KCNQ4: variants seen among roughly 807,000 people sequenced by gnomAD.
KCNQ4 encodes potassium voltage-gated channel subfamily KQT member 4.
In KCNQ4, 31 loss-of-function variants were observed where a neutral mutation model predicts 72.6. That is an observed-to-expected ratio of 0.43 (90% CI 0.32 to 0.58). The LOEUF (loss-of-function observed/expected upper bound fraction) is 0.58, where lower values mean the gene tolerates loss of function less well. Among genes scored for constraint, KCNQ4 ranks in the 20% least tolerant of loss-of-function variants. The probability of loss-of-function intolerance (pLI) is 0.08; values close to 1 mark genes in which losing one functional copy is unlikely to be tolerated. For missense variants in KCNQ4, 869 were observed against 962.6 expected (o/e 0.90, Z 1.29); for synonymous variants, 405 against 403.7 (o/e 1.00, Z -0.04).
intron 1 of KCNQ4, among the ~76,000 whole-genome samples, chr1:40,812,045 C>A (rs1286058374): frequency 6.6e-6 from 1 of 152,140 alleles, no homozygotes; most frequent in South Asian, 2.1e-4. Context: ...CTACCCCTGA[C>A]CTCCAGATAC....
intron 1 of KCNQ4, among the ~76,000 whole-genome samples, chr1:40,795,399 C>T (rs1647383193): frequency 6.6e-6 from 1 of 151,798 alleles, no homozygotes; most frequent in Admixed American, 6.6e-5. Context: ...GTAGCTGAGA[C>T]CGCAGGTGCA....
At chr1:40,838,170 A>C (rs1055746400) in intron 13 of KCNQ4, 141 bp from the exon 14 acceptor site, 1 of 775,968 alleles carries the variant, frequency 1.3e-6, no homozygotes, top group Non-Finnish European at 2.2e-6. Context: ...GCCAAGCTCC[A>C]CCTTTCCAGG....
intron 9 of KCNQ4, among the ~76,000 whole-genome samples, chr1:40,828,542 G>A (rs1331099592): frequency 6.6e-6 from 1 of 152,230 alleles, no homozygotes; most frequent in Non-Finnish European, 1.5e-5. Flanking sequence ...TCTGAAGTCA[G>A]AGAAGGCTGG....
At chr1:40,821,122 G>A (rs533582799) in intron 7 of KCNQ4, among the ~76,000 whole-genome samples, 1 of 152,238 alleles carries the variant, frequency 6.6e-6, no homozygotes, top group South Asian at 2.1e-4. Context: ...CGTCCCTTGG[G>A]GCACAATGGC....
chr1:40,798,403 C>G (rs1459191326), intron 1 of KCNQ4, among the ~76,000 whole-genome samples: 4 of 152,224 alleles, frequency 2.6e-5, no homozygotes, highest in Non-Finnish European at 5.9e-5. Context: ...GAAGGAGGTC[C>G]TCTCTCCCAC....
At chr1:40,798,268 G>A (rs1274138046) in intron 1 of KCNQ4, among the ~76,000 whole-genome samples, 1 of 152,168 alleles carries the variant, frequency 6.6e-6, no homozygotes, top group East Asian at 1.9e-4. Flanking sequence ...ATAAATAACA[G>A]TGAAAACCTT....
At chr1:40,806,680 G>A (rs1330962709) in intron 1 of KCNQ4, among the ~76,000 whole-genome samples, 1 of 127,420 alleles carries the variant, frequency 7.8e-6, no homozygotes, top group East Asian at 2.1e-4. Flanking sequence ...GGAGGTAGAG[G>A]ACAGATATGG....
At chr1:40,833,604 G>A (rs1348252334) in intron 11 of KCNQ4, among the ~76,000 whole-genome samples, 1 of 151,966 alleles carries the variant, frequency 6.6e-6, no homozygotes, top group East Asian at 1.9e-4. Flanking sequence ...TGCAGCTCTA[G>A]CTCCAGAAAC....
At chr1:40,820,032 C>A in intron 6 of KCNQ4, 47 bp downstream of exon 6, 1 of 1,543,382 alleles carries the variant, frequency 6.5e-7, no homozygotes, top group Non-Finnish European at 9.0e-7. Flanking sequence ...AGGGTGGGAC[C>A]TGCTCACCCC....
chr1:40,795,193 A>C (rs1254368169), intron 1 of KCNQ4, among the ~76,000 whole-genome samples: 1 of 151,406 alleles, frequency 6.6e-6, no homozygotes, highest in African/African-American at 2.4e-5. Context: ...GCTGCTTCCT[A>C]TAGCAAGTGC....
At chr1:40,798,432 T>C (rs1647477726) in intron 1 of KCNQ4, among the ~76,000 whole-genome samples, 1 of 152,164 alleles carries the variant, frequency 6.6e-6, no homozygotes, top group Admixed American at 6.5e-5. Flanking sequence ...CACAAAGCCG[T>C]TTTAGGCATG....
At chr1:40,815,852 C>T (rs1258960835) in intron 1 of KCNQ4, among the ~76,000 whole-genome samples, 1 of 152,090 alleles carries the variant, frequency 6.6e-6, no homozygotes, top group Admixed American at 6.6e-5. Context: ...CTCAAAACCA[C>T]ACACACAAGC....
At position 40,794,958 on chromosome 1, in the gene KCNQ4, G is replaced by T; in HGVS notation, c.314+10551G>T. On this transcript the variant is annotated intron_variant, in intron 1 of 13. Coordinates refer to ENST00000347132, the MANE Select transcript of KCNQ4 (RefSeq NM_004700.4). This position sits in a 1 kb window ranked among gnomAD's most constrained non-coding sequence, Gnocchi z 4.2. The stretch of plus-strand genomic sequence containing the variant: ...GGACCAACCCAAGGCTCTTTCCTAA[G>T]ATTGGGTTGGGCGGGTGGGGGGGTG... 7.5e-6 allele frequency among the ~76,000 whole-genome samples: 1 copy of T among 133,522 alleles called. No individual in the cohort carries two copies. Among genetic ancestry groups the T allele is most frequent in the African/African-American group, 2.9e-5 (1 of 34,768 alleles). 87.6% of individuals were successfully genotyped at this position (133,522 alleles called of 152,430 possible). A position where few individuals can be genotyped will look rare whatever the true frequency, so the allele number is the denominator to read the frequency against.
intron 8 of KCNQ4, 117 bp downstream of exon 8, chr1:40,822,519 C>T (rs1049684480): frequency 2.5e-5 from 20 of 784,958 alleles, no homozygotes; most frequent in Admixed American, 8.2e-5. Context: ...CAGGGGAGCA[C>T]CCTGGGCTGG....
chr1:40,807,992 G>A (rs1301037583), intron 1 of KCNQ4, among the ~76,000 whole-genome samples: 3 of 151,458 alleles, frequency 2.0e-5, no homozygotes, highest in African/African-American at 4.9e-5. Context: ...TGGTGGTCCC[G>A]GCTACTCAGG....
At chr1:40,811,554 G>A (rs964699237) in intron 1 of KCNQ4, among the ~76,000 whole-genome samples, 5 of 152,182 alleles carry the variant, frequency 3.3e-5, no homozygotes, top group African/African-American at 7.2e-5. Context: ...GACACCCACC[G>A]TAGTTTGAAA....
intron 7 of KCNQ4, among the ~76,000 whole-genome samples, chr1:40,822,022 A>G (rs927391933): frequency 2.0e-4 from 30 of 152,234 alleles, no homozygotes; most frequent in Admixed American, 4.6e-4. Flanking sequence ...AATAAGGGGC[A>G]GAGCTGGGAT....
chr1:40,813,456 G>A (rs955503132), intron 1 of KCNQ4, among the ~76,000 whole-genome samples: 5 of 152,158 alleles, frequency 3.3e-5, no homozygotes, highest in Admixed American at 6.5e-5. Flanking sequence ...TGTGCAGGGG[G>A]AGGGAAAGGA....
Position 40,819,379 on chromosome 1 carries a change from G to A in KCNQ4, c.741G>A (p.Leu247=), listed in dbSNP as rs1172914234. 3 of 1,613,794 alleles carry A rather than the reference G, an allele frequency of 1.9e-6. No individual in the cohort carries two copies. In the African/African-American group the frequency reaches 4.0e-5, roughly 22 times the overall value. Residue 247 remains leucine (L), a synonymous_variant, in exon 5 of 14, where the codon CTG becomes CTA. Transcript: ENST00000347132. ...ELITAWYIGF[L]VLIFASFLVY... ...TCACCGCCTGGTACATCGGGTTCCT[G>A]GTGCTCATCTTCGCCTCCTTCCTGG...
Sources: gnomAD v4.1 joint callset for allele counts (sites outside exome capture counted in the v4.1 genomes callset) on GRCh38, gnomAD v4.1.1 for gene constraint, Gnocchi (gnomAD v3.1) non-coding constraint, MANE v1.5 for transcripts, NCBI Gene and HGNC (gene_info 2026-07-23, HGNC 2026-07-21) for gene names.